ATP8B4: variants seen among roughly 807,000 people sequenced by gnomAD.
ATP8B4 encodes the protein ATPase phospholipid transporting 8B4 (putative), also known as probable phospholipid-transporting ATPase IM.
A neutral mutation model predicts 145.6 loss-of-function variants in ATP8B4; 133 were observed. The ratio of observed to expected loss-of-function variants is 0.91; its 90% CI spans 0.79 to 1.05. ATP8B4 has a LOEUF of 1.05. Ranked by LOEUF, ATP8B4 falls within the 50% of genes least tolerant of loss-of-function variation. ATP8B4 has a pLI of 0.00. For missense variants in ATP8B4, 1,458 were observed against 1,425.2 expected (o/e 1.02, Z -0.37); for synonymous variants, 507 against 492.9 (o/e 1.03, Z -0.38).
At chr15:49,957,885 T>TA (rs1179816708) in intron 14 of ATP8B4, among the ~76,000 whole-genome samples, 2 of 151,766 alleles carry the variant, frequency 1.3e-5, no homozygotes, top group Admixed American at 6.5e-5. Context: ...ATAGAAGACC[T>TA]AAAAAAATAT....
At chr15:49,953,874 TC>T (rs2043317258) in intron 14 of ATP8B4, among the ~76,000 whole-genome samples, 1 of 152,290 alleles carries the variant, frequency 6.6e-6, no homozygotes, top group East Asian at 1.9e-4. Context: ...AAGCACAGTT[TC>T]CCCGGCTGGG....
At chr15:49,906,085 A>G (rs763720799) in intron 20 of ATP8B4, among the ~76,000 whole-genome samples, 1 of 152,226 alleles carries the variant, frequency 6.6e-6, no homozygotes, top group Non-Finnish European at 1.5e-5. Context: ...GTCGAAAAAT[A>G]CAAAATCACT....
intron 12 of ATP8B4, among the ~76,000 whole-genome samples, chr15:49,974,302 G>A (rs1038668723): frequency 6.6e-6 from 1 of 151,546 alleles, no homozygotes; most frequent in African/African-American, 2.4e-5. Context: ...CGAACTACTT[G>A]AGTACTCGAA....
intron 1 of ATP8B4, among the ~76,000 whole-genome samples, chr15:50,115,458 C>T (rs1188390487): frequency 1.3e-5 from 2 of 151,790 alleles, no homozygotes; most frequent in Non-Finnish European, 2.9e-5. Flanking sequence ...GCAGAGTCAG[C>T]GAAGACCTCA....
intron 9 of ATP8B4, among the ~76,000 whole-genome samples, chr15:49,995,282 T>C (rs988639076): frequency 6.6e-6 from 1 of 152,180 alleles, no homozygotes; most frequent in Admixed American, 6.6e-5. Flanking sequence ...TAGTAAATTA[T>C]ATTTAGATGG....
chr15:49,887,692 T>G (rs2036359474), intron 23 of ATP8B4, among the ~76,000 whole-genome samples: 1 of 151,944 alleles, frequency 6.6e-6, no homozygotes, highest in African/African-American at 2.4e-5. Flanking sequence ...GGAGAGTTCA[T>G]TTTTCCAACT....
chr15:49,986,312 T>G (rs1187931817), intron 10 of ATP8B4, among the ~76,000 whole-genome samples: 1 of 152,222 alleles, frequency 6.6e-6, no homozygotes, highest in Admixed American at 6.5e-5. Flanking sequence ...CAGAAGACCA[T>G]GAAATTTCCC....
rs137974555 is a variant in ATP8B4 at position 50,175,936 on chromosome 15, A to G, written c.-43+6325T>C. Among the ~76,000 whole-genome samples, 76 of 152,274 alleles carry G rather than the reference A, an allele frequency of 5.0e-4. 3 individuals are homozygous for G. In the East Asian group the frequency reaches 0.015, roughly 29 times the overall value. ...CAGCACAATTTACAATTGCAAAATC[A>G]TGGAACCAAGCCAAATGCCCATCAA... On this transcript the variant is annotated intron_variant, in intron 1 of 3. Coordinates refer to the ATP8B4 transcript ENST00000558829.
At chr15:50,085,112 C>A (rs534021116) in intron 2 of ATP8B4, among the ~76,000 whole-genome samples, 70 of 152,278 alleles carry the variant, frequency 4.6e-4, no homozygotes, top group Non-Finnish European at 5.7e-4. Context: ...GCCTTCAGGG[C>A]CCTGCCTAAT....
chr15:50,056,406 G>T (rs1408725494), intron 3 of ATP8B4, among the ~76,000 whole-genome samples: 1 of 152,118 alleles, frequency 6.6e-6, no homozygotes, highest in Non-Finnish European at 1.5e-5. Flanking sequence ...ATTTCAGGAG[G>T]TGATCATCAA....
At chr15:50,140,714 T>C (rs547330033) in intron 1 of ATP8B4, among the ~76,000 whole-genome samples, 3 of 152,240 alleles carry the variant, frequency 2.0e-5, no homozygotes, top group South Asian at 2.1e-4. Context: ...ATATGATTTT[T>C]ACTATATGTT....
intron 20 of ATP8B4, among the ~76,000 whole-genome samples, chr15:49,905,504 C>T (rs1404137496): frequency 6.6e-6 from 1 of 152,080 alleles, no homozygotes; most frequent in African/African-American, 2.4e-5. Context: ...TACCCTCAGT[C>T]CTAGTATTAA....
chr15:50,004,753 G>A (rs966227724), intron 7 of ATP8B4, among the ~76,000 whole-genome samples: 8 of 142,858 alleles, frequency 5.6e-5, no homozygotes, highest in African/African-American at 2.2e-4. Context: ...CACAGTAAGG[G>A]TAGGAGCCAG....
intron 20 of ATP8B4, among the ~76,000 whole-genome samples, chr15:49,907,885 A>T (rs2038793433): frequency 6.6e-6 from 1 of 152,222 alleles, no homozygotes; most frequent in Non-Finnish European, 1.5e-5. Flanking sequence ...AAGCAGTAAG[A>T]TACCTTAACA....
intron 16 of ATP8B4, 59 bp downstream of exon 16, chr15:49,931,060 G>A (rs2041205270): frequency 6.7e-7 from 1 of 1,495,062 alleles, no homozygotes; most frequent in Non-Finnish European, 9.0e-7. Context: ...ATTAATCCTT[G>A]AAAAGCATAA....
At chr15:49,969,842 T>C (rs1468582851) in intron 13 of ATP8B4, among the ~76,000 whole-genome samples, 1 of 152,120 alleles carries the variant, frequency 6.6e-6, no homozygotes, top group Non-Finnish European at 1.5e-5. Context: ...CAGACCAATA[T>C]CCCTGATGAA....
chr15:50,120,934 C>T (rs764934527), upstream of ATP8B4, among the ~76,000 whole-genome samples: 1 of 151,962 alleles, frequency 6.6e-6, no homozygotes. Flanking sequence ...ATAGAACTTA[C>T]CTCATAGGAT....
intron 3 of ATP8B4, among the ~76,000 whole-genome samples, chr15:50,069,790 T>C (rs1179064271): frequency 6.6e-6 from 1 of 152,146 alleles, no homozygotes; most frequent in Non-Finnish European, 1.5e-5. Flanking sequence ...ATCTGGCCAG[T>C]CTGCACTAGA....
chr15:49,878,455 C>T (rs1166044406), intron 24 of ATP8B4, among the ~76,000 whole-genome samples: 2 of 152,048 alleles, frequency 1.3e-5, no homozygotes, highest in African/African-American at 4.8e-5. Flanking sequence ...CGGCTTTGGC[C>T]CAGAAAATGA....
Sources: allele counts gnomAD v4.1 joint callset (sites outside exome capture counted in the v4.1 genomes callset), GRCh38; gene constraint gnomAD v4.1.1; transcripts MANE v1.5; gene names NCBI Gene and HGNC (gene_info 2026-07-23, HGNC 2026-07-21).